RBM47: variants seen among roughly 807,000 people sequenced by gnomAD.
RBM47 encodes RNA-binding protein 47.
A neutral mutation model predicts 47.1 loss-of-function variants in RBM47; 21 were observed. The observed-to-expected ratio is 0.45, with a 90% confidence interval of 0.32 to 0.64. The LOEUF is 0.64. RBM47 is among the 30% of genes least tolerant of loss of function. The pLI, the probability that RBM47 is intolerant of heterozygous loss-of-function variation, is 0.05. For synonymous variants in RBM47, 375 were observed against 361.7 expected, an observed-to-expected ratio of 1.04 and a Z score of -0.42; for missense variants, 708 against 870.9, an observed-to-expected ratio of 0.81 and a Z score of 2.35.
At chr4:40,535,960 C>T (rs1452956083) in intron 2 of RBM47, among the ~76,000 whole-genome samples, 1 of 151,988 alleles carries the variant, frequency 6.6e-6, no homozygotes, top group Non-Finnish European at 1.5e-5. Flanking sequence ...CTTGGCCTCC[C>T]AGAGTGCTGG....
chr4:40,458,852 G>A (rs747176105), intron 3 of RBM47, among the ~76,000 whole-genome samples: 7 of 151,914 alleles, frequency 4.6e-5, no homozygotes, highest in South Asian at 2.1e-4. Context: ...AACATACGGC[G>A]AAGGTTAAAC....
chr4:40,587,504 A>T (rs1347404177), intron 1 of RBM47, among the ~76,000 whole-genome samples: 1 of 152,188 alleles, frequency 6.6e-6, no homozygotes, highest in African/African-American at 2.4e-5. Context: ...AAATATGAAG[A>T]CATAATAAGT....
intron 2 of RBM47, among the ~76,000 whole-genome samples, chr4:40,498,052 TTTTATATATATATATA>T (rs1484460186): frequency 1.3e-5 from 1 of 75,216 alleles, no homozygotes; most frequent in African/African-American, 5.9e-5. Context: ...TAAGTGCTTG[TTTTATATATATATATA>T]TATATATATA....
chr4:40,561,713 C>T (rs1034529222), intron 1 of RBM47, among the ~76,000 whole-genome samples: 6 of 151,746 alleles, frequency 4.0e-5, no homozygotes, highest in Non-Finnish European at 1.5e-5. Context: ...CCATGCCCAG[C>T]TAATTTTTGT....
chr4:40,436,426 C>T lies in RBM47; in HGVS notation c.1330+15G>A. ...TATGCTGAATGGGAGCATTCTCAATCTGCTTCATACTGACCTGTACCAGGT... is the reference window on the plus strand; with the variant it reads ...TATGCTGAATGGGAGCATTCTCAATTTGCTTCATACTGACCTGTACCAGGT... On this transcript the variant is annotated intron_variant, in intron 5 of 6. Coordinates refer to ENST00000295971, the MANE Select transcript of RBM47 (RefSeq NM_001098634.2). 1 of 1,610,054 alleles carries T rather than the reference C, an allele frequency of 6.2e-7. No homozygotes were observed. Among genetic ancestry groups the T allele is most frequent in the Non-Finnish European group, 8.5e-7 (1 of 1,178,222 alleles).
intron 1 of RBM47, among the ~76,000 whole-genome samples, chr4:40,583,116 G>A (rs1255504522): frequency 6.6e-6 from 1 of 152,104 alleles, no homozygotes; most frequent in Non-Finnish European, 1.5e-5. Context: ...ACAAGAAAGA[G>A]CAAAGGGAGA....
intron 1 of RBM47, among the ~76,000 whole-genome samples, chr4:40,600,154 A>G (rs1325637155): frequency 6.6e-6 from 1 of 151,334 alleles, no homozygotes; most frequent in Non-Finnish European, 1.5e-5. Flanking sequence ...GACTACAGCC[A>G]TAATACCTGG....
chr4:40,458,370 T>C (rs964340736), intron 3 of RBM47, among the ~76,000 whole-genome samples: 1 of 152,180 alleles, frequency 6.6e-6, no homozygotes, highest in African/African-American at 2.4e-5. Flanking sequence ...TCTGCTACTA[T>C]AGAAAAAAAC....
At chr4:40,437,090 A>ATATGTATATAT (rs1553877705) in intron 4 of RBM47, among the ~76,000 whole-genome samples, 1 of 49,852 alleles carries the variant, frequency 2.0e-5, no homozygotes, top group Non-Finnish European at 3.3e-5. Context: ...AAAAAAAAAA[A>ATATGTATATAT]ATATATATAT....
chr4:40,591,485 C>A (rs532871281), intron 1 of RBM47, among the ~76,000 whole-genome samples: 22 of 152,080 alleles, frequency 1.4e-4, no homozygotes, highest in Non-Finnish European at 3.1e-4. Flanking sequence ...GAGTTTAAGA[C>A]CAGCCTTAAG....
intron 1 of RBM47, among the ~76,000 whole-genome samples, chr4:40,583,477 A>G (rs1281537704): frequency 6.6e-6 from 1 of 151,318 alleles, no homozygotes; most frequent in Non-Finnish European, 1.5e-5. Flanking sequence ...GAGGCTGAGG[A>G]AACTCCTGGC....
At chr4:40,484,727 C>T (rs1054889680) in intron 2 of RBM47, among the ~76,000 whole-genome samples, 1 of 152,180 alleles carries the variant, frequency 6.6e-6, no homozygotes, top group Non-Finnish European at 1.5e-5. Flanking sequence ...CTCTATCTAC[C>T]AGATTCTTAT....
chr4:40,451,208 T>TAAAAAAAAAAAAAA (rs1715393221), intron 3 of RBM47, among the ~76,000 whole-genome samples: 1 of 128,562 alleles, frequency 7.8e-6, no homozygotes, highest in African/African-American at 3.1e-5. Context: ...AAAAAAAAAG[T>TAAAAAAAAAAAAAA]CAAGGCTATC....
chr4:40,468,597 T>C (rs1208466590), intron 2 of RBM47, among the ~76,000 whole-genome samples: 1 of 152,218 alleles, frequency 6.6e-6, no homozygotes. Flanking sequence ...ATATAACTTA[T>C]AGCTCAAAAT....
chr4:40,597,776 GCAAA>G (rs371598474), intron 1 of RBM47, among the ~76,000 whole-genome samples: 177 of 152,204 alleles, frequency 1.2e-3, no homozygotes, highest in African/African-American at 4.0e-3. Context: ...AAATAAATAA[GCAAA>G]CAAACAATAG....
chr4:40,626,258 TA>T (rs1376217329), intron 1 of RBM47, among the ~76,000 whole-genome samples: 2 of 152,232 alleles, frequency 1.3e-5, no homozygotes, highest in Non-Finnish European at 2.9e-5. Context: ...CAGGTGTACT[TA>T]AACCACACAG....
chr4:40,606,955 C>G (rs963611307), intron 1 of RBM47, among the ~76,000 whole-genome samples: 18 of 152,020 alleles, frequency 1.2e-4, no homozygotes, highest in African/African-American at 4.4e-4. Flanking sequence ...TCTACTCCAG[C>G]CTGGGCAACT....
Position 40,432,702 on chromosome 4 carries a change from TGCGGCCGCG to T in RBM47, c.1482_1490del (p.Ala500_Ala502del). ...TGGGAATGACAGCGGCTGCGGCGGC[TGCGGCCGCG>T]GCTGCGGCGGCAGCAGCACTGGCTG... On this transcript the variant is annotated inframe_deletion, in exon 6 of 7. Coordinates refer to ENST00000295971, the MANE Select transcript of RBM47 (RefSeq NM_001098634.2). 6.3e-7 allele frequency: 1 copy of T among 1,589,798 alleles called. No individual in the cohort carries two copies. The highest frequency in any genetic ancestry group is 1.1e-5 in the South Asian group (1 of 89,508).
At chr4:40,570,929 C>T (rs1454139876) in intron 1 of RBM47, among the ~76,000 whole-genome samples, 2 of 152,006 alleles carry the variant, frequency 1.3e-5, no homozygotes, top group South Asian at 2.1e-4. Context: ...AAATAAAATA[C>T]TGACGGCTGG....
Sources: gnomAD v4.1 joint callset for allele counts (sites outside exome capture counted in the v4.1 genomes callset) on GRCh38, gnomAD v4.1.1 for gene constraint, MANE v1.5 for transcripts, NCBI Gene and HGNC (gene_info 2026-07-23, HGNC 2026-07-21) for gene names.